KCTD18: variants seen among roughly 807,000 people sequenced by gnomAD.
KCTD18 encodes potassium channel tetramerization domain containing 18, also known as BTB/POZ domain-containing protein KCTD18.
KCTD18 carries 22 observed loss-of-function variants against 30.4 expected under a neutral mutation model. That is an observed-to-expected ratio of 0.72 (90% CI 0.52 to 1.03). The LOEUF is 1.03. KCTD18 is among the 50% of genes least tolerant of loss of function. The probability of loss-of-function intolerance (pLI) is 0.00; values close to 1 mark genes in which losing one functional copy is unlikely to be tolerated. For missense variants in KCTD18, 529 were observed against 547.6 expected (o/e 0.97, Z 0.34); for synonymous variants, 186 against 209.0 (o/e 0.89, Z 0.95).
At chr2:200,491,813 A>G (rs1432747981) in intron 6 of KCTD18, among the ~76,000 whole-genome samples, 2 of 152,248 alleles carry the variant, frequency 1.3e-5, no homozygotes, top group African/African-American at 4.8e-5. Flanking sequence ...GCAAGTCTGC[A>G]TAGCATCAAT....
chr2:200,495,824 T>C (rs1304580477), intron 5 of KCTD18: 6 of 151,962 alleles, frequency 3.9e-5, no homozygotes, highest in Non-Finnish European at 7.4e-5. Context: ...AGTTTTTTAT[T>C]AGTCTTTAAA....
intron 6 of KCTD18, 148 bp downstream of exon 6, chr2:200,493,020 GATCT>G: frequency 3.4e-6 from 2 of 582,584 alleles, no homozygotes; most frequent in Non-Finnish European, 6.1e-6. Flanking sequence ...TATTTATCAA[GATCT>G]ATATTTTGAT....
chr2:200,498,710 G>T (rs1268060848), intron 4 of KCTD18, among the ~76,000 whole-genome samples, 181 bp downstream of exon 4: 1 of 152,160 alleles, frequency 6.6e-6, no homozygotes, highest in Non-Finnish European at 1.5e-5. Context: ...TACTGTATGG[G>T]AAATGATCTT....
chr2:200,491,345 C>G (rs1466684190), intron 6 of KCTD18, among the ~76,000 whole-genome samples: 1 of 152,226 alleles, frequency 6.6e-6, no homozygotes, highest in African/African-American at 2.4e-5. Context: ...CCTTCTTGTA[C>G]AGACTGCAGA....
At position 200,489,896 on chromosome 2, in the gene KCTD18, A is replaced by G. The variant is rs992735574; in HGVS notation, c.*204T>C. On this transcript the variant is annotated 3_prime_UTR_variant, in exon 7 of 7. Coordinates refer to ENST00000359878, the MANE Select transcript of KCTD18 (RefSeq NM_152387.4). ...ATTCAAACTGCCCATAGACAATCAT[A>G]TAAAAGTTGGGAAAATGAGAAATGG... The G allele has an allele frequency of 1.8e-6, 1 of 545,160 alleles. No individual in the cohort carries two copies. Among genetic ancestry groups the G allele is most frequent in the Admixed American group, 3.5e-5 (1 of 28,248 alleles). The allele number at this position is 545,160 out of a possible 1,614,324, so 33.8% of individuals were successfully genotyped here. A position where few individuals can be genotyped will look rare whatever the true frequency, so the allele number is the denominator to read the frequency against.
intron 5 of KCTD18, among the ~76,000 whole-genome samples, chr2:200,493,874 A>G (rs7591915): frequency 0.56 from 85,740 of 151,974 alleles, 24,490 homozygotes; most frequent in South Asian, 0.59. Flanking sequence ...GGGTTGCTGT[A>G]ACATCAAATC....
intron 3 of KCTD18, among the ~76,000 whole-genome samples, chr2:200,501,734 C>T (rs1462514339): frequency 6.6e-6 from 1 of 150,892 alleles, no homozygotes; most frequent in Non-Finnish European, 1.5e-5. Context: ...TGTGGCGATT[C>T]CTCAGGGATC....
chr2:200,490,138 C>G lies in KCTD18; in HGVS notation c.1243G>C (p.Gly415Arg), dbSNP rs2087884157. 7.5e-6 allele frequency: 12 copies of G among 1,603,622 alleles called. No individual in the cohort carries two copies. Among genetic ancestry groups the G allele is most frequent in the Non-Finnish European group, 1.0e-5 (12 of 1,171,948 alleles). ...TTCTTCCCGTTCTCAGTCCGCACTC[C>G]CAAGGCACGGGCAGCTTCGCCGGGA... ...PLPGEAARALGVRTENGKNKG... is the reference protein window; with the variant it reads ...PLPGEAARALRVRTENGKNKG... Residue 415 changes from glycine to arginine, a missense_variant, in exon 7 of 7, where the codon GGA becomes CGA. Coordinates refer to ENST00000359878, the MANE Select transcript of KCTD18 (RefSeq NM_152387.4).
chr2:200,507,141 T>C (rs2030245348), intron 1 of KCTD18, 50 bp from the exon 2 acceptor site: 3 of 622,086 alleles, frequency 4.8e-6, no homozygotes, highest in Admixed American at 6.6e-5. Context: ...AGACACTAAA[T>C]AGATAATATA....
chr2:200,504,458 CA>C (rs761524442), intron 3 of KCTD18, among the ~76,000 whole-genome samples: 7,822 of 59,306 alleles, frequency 0.13, 200 homozygotes, highest in African/African-American at 0.29. Flanking sequence ...GACTCTGCCT[CA>C]AAAAAAAAAA....
rs766622885 is a variant in KCTD18, at chr2:200,490,469, C to T, written c.912G>A (p.Gln304=). The change falls in exon 7 of 7, where the codon CAG becomes CAA. Residue 304 remains glutamine (Q), a synonymous_variant. Transcript: ENST00000359878. ...GGTTTGCTGTCGCCCCAGCCGACGT[C>T]TGGATGGCACTGGCTGGAGACACCG... The part of the protein sequence containing the change: ...SVTVSPASAI[Q]TSAGATANRF... The T allele has an allele frequency of 1.2e-6, 2 of 1,613,298 alleles. No homozygotes were observed. Among genetic ancestry groups the T allele is most frequent in the Non-Finnish European group, 1.7e-6 (2 of 1,180,030 alleles).
chr2:200,509,552 C>T (rs938903615), intron 1 of KCTD18, 76 bp downstream of exon 1: 2 of 152,614 alleles, frequency 1.3e-5, no homozygotes, highest in Non-Finnish European at 2.9e-5. Context: ...CAAAAGCACC[C>T]AGTTAGGCTC....
At chr2:200,508,601 T>C (rs2106286802) in intron 1 of KCTD18, among the ~76,000 whole-genome samples, 1 of 144,280 alleles carries the variant, frequency 6.9e-6, no homozygotes, top group African/African-American at 2.5e-5. Flanking sequence ...TTTTACTCAG[T>C]GAACAACTAA....
At chr2:200,499,249 AC>A (rs1210405585) in intron 3 of KCTD18, among the ~76,000 whole-genome samples, 165 bp from the exon 4 acceptor site, 1 of 148,236 alleles carries the variant, frequency 6.7e-6, no homozygotes. Context: ...AATCAAACAC[AC>A]ATTTTTTTTA....
At position 200,497,369 on chromosome 2, in the gene KCTD18, T is replaced by C. The variant is rs572281691; in HGVS notation, c.661+384A>G. 3.9e-4 allele frequency: 66 copies of C among 170,224 alleles called. 2 individuals carry two copies. The South Asian group carries it at 8.7e-3, about 22-fold the overall frequency. 10.5% of individuals were successfully genotyped at this position (170,224 alleles called of 1,614,324 possible). ...TTTCAAAGTGTACATTTAAAGATTA[T>C]TGTAATTATTTTATAAGGGCTCTTT... On this transcript the variant is annotated intron_variant, in intron 5 of 6. Transcript: ENST00000359878.
chr2:200,490,157 G>A lies in KCTD18; in HGVS notation c.1224C>T (p.Gly408=), dbSNP rs778928457. ...RQANSLKPLP[G]EAARALGVRT... ...GCACTCCCAAGGCACGGGCAGCTTC[G>A]CCGGGAAGCGGCTTGAGGGAGTTGG... Residue 408 remains glycine, a synonymous_variant, in exon 7 of 7, where the codon GGC becomes GGT. Coordinates refer to ENST00000359878, the MANE Select transcript of KCTD18 (RefSeq NM_152387.4). The A allele has an allele frequency of 1.6e-5, 25 of 1,608,564 alleles. No homozygotes were observed. Among genetic ancestry groups the A allele is most frequent in the Non-Finnish European group, 2.0e-5 (24 of 1,175,612 alleles).
chr2:200,508,410 G>A (rs1284807323), intron 1 of KCTD18, among the ~76,000 whole-genome samples: 2 of 151,986 alleles, frequency 1.3e-5, no homozygotes, highest in African/African-American at 2.4e-5. Context: ...TTAAGGGTTG[G>A]ATTTTTTTAA....
intron 3 of KCTD18, 113 bp from the exon 4 acceptor site, chr2:200,499,197 T>C (rs1283830634): frequency 5.6e-6 from 4 of 715,128 alleles, no homozygotes; most frequent in Non-Finnish European, 8.9e-6. Context: ...ATAAGGGAAA[T>C]AAAAAGATTA....
rs754829938 is a variant in KCTD18, at chr2:200,490,520, A to G, written c.861T>C (p.Ile287=). The change falls in exon 7 of 7, where the codon ATT becomes ATC. Residue 287 remains isoleucine (I), a synonymous_variant. Coordinates refer to ENST00000359878, the MANE Select transcript of KCTD18 (RefSeq NM_152387.4). ...RFLGPSTSTQ[I]KVKNSASVTV... is the part of the protein sequence containing the mutation. ...TGACTGAGGCCGAGTTCTTGACTTTAATTTGGGTACTTGTGGAAGGGCCCA... is the reference window on the plus strand; with the variant it reads ...TGACTGAGGCCGAGTTCTTGACTTTGATTTGGGTACTTGTGGAAGGGCCCA... The G allele has an allele frequency of 1.2e-6, 2 of 1,606,740 alleles. No homozygotes were observed. The highest frequency in any genetic ancestry group is 2.2e-5 in the South Asian group (2 of 91,088).
Sources: gnomAD v4.1 joint callset for allele counts (sites outside exome capture counted in the v4.1 genomes callset) on GRCh38, gnomAD v4.1.1 for gene constraint, MANE v1.5 for transcripts, NCBI Gene and HGNC (gene_info 2026-07-23, HGNC 2026-07-21) for gene names.